Variants in PPFIBP1 observed in about 807,000 individuals in gnomAD.
PPFIBP1 encodes PPFIB scaffold protein 1, also known as liprin-beta-1.
In PPFIBP1, 112 loss-of-function variants were observed where a neutral mutation model predicts 137.8. The observed-to-expected ratio is 0.81, with a 90% CI of 0.70 to 0.95. PPFIBP1 has a LOEUF of 0.95. PPFIBP1 is among the 40% of genes least tolerant of loss of function. The pLI, the probability that PPFIBP1 is intolerant of heterozygous loss-of-function variation, is 0.00. For missense variants in PPFIBP1, 1,083 were observed against 1,196.6 expected (o/e 0.91, Z 1.40); for synonymous variants, 378 against 417.3 (o/e 0.91, Z 1.15).
At chr12:27,665,715 G>A (rs1364986530) in intron 12 of PPFIBP1, among the ~76,000 whole-genome samples, 1 of 152,112 alleles carries the variant, frequency 6.6e-6, no homozygotes, top group Non-Finnish European at 1.5e-5. Flanking sequence ...TCTTTTGGAA[G>A]GTCCCCATGA....
chr12:27,649,127 C>G (rs1183830244), intron 6 of PPFIBP1, among the ~76,000 whole-genome samples: 1 of 152,150 alleles, frequency 6.6e-6, no homozygotes, highest in Non-Finnish European at 1.5e-5. Flanking sequence ...TACTATGTAG[C>G]CACACAAGTA....
intron 13 of PPFIBP1, among the ~76,000 whole-genome samples, chr12:27,670,613 A>C (rs2060119424): frequency 6.6e-6 from 1 of 152,014 alleles, no homozygotes; most frequent in Non-Finnish European, 1.5e-5. Context: ...GTGTTTCTAC[A>C]AAAAAATTTT....
intron 2 of PPFIBP1, among the ~76,000 whole-genome samples, chr12:27,624,059 T>C (rs1414009064): frequency 2.6e-5 from 4 of 151,980 alleles, no homozygotes; most frequent in African/African-American, 4.8e-5. Flanking sequence ...TTGAAAAACA[T>C]GTGTCCCAGG....
intron 4 of PPFIBP1, among the ~76,000 whole-genome samples, chr12:27,638,663 A>G (rs1339587654): frequency 1.3e-5 from 2 of 152,168 alleles, no homozygotes; most frequent in African/African-American, 4.8e-5. Context: ...AATGTTTAAG[A>G]GCAACCCTTT....
chr12:27,608,659 A>G (rs1056440275), intron 2 of PPFIBP1: 2 of 443,958 alleles, frequency 4.5e-6, no homozygotes, highest in Non-Finnish European at 8.3e-6. Flanking sequence ...CATTTACAAA[A>G]TAGTAGATAA....
intron 1 of PPFIBP1, among the ~76,000 whole-genome samples, chr12:27,535,911 A>G (rs1944946098): frequency 6.6e-6 from 1 of 152,246 alleles, no homozygotes; most frequent in Non-Finnish European, 1.5e-5. Flanking sequence ...AGAAGCAACT[A>G]TGAGTTGCCT....
chr12:27,641,391 G>A (rs551778016), intron 4 of PPFIBP1, among the ~76,000 whole-genome samples: 58 of 152,204 alleles, frequency 3.8e-4, no homozygotes, highest in African/African-American at 1.3e-3. Flanking sequence ...CAAACCAATA[G>A]AACCCAGAAA....
intron 18 of PPFIBP1, 168 bp from the exon 19 acceptor site, chr12:27,676,896 A>G: frequency 1.2e-6 from 1 of 843,636 alleles, no homozygotes; most frequent in Non-Finnish European, 2.0e-6. Context: ...GGATAAATTA[A>G]CATTGACGTT....
chr12:27,543,942 G>A (rs564503737), intron 1 of PPFIBP1, among the ~76,000 whole-genome samples: 3 of 134,432 alleles, frequency 2.2e-5, no homozygotes, highest in South Asian at 2.3e-4. Context: ...GTGCAGTGTC[G>A]TGATCATAGC....
In PPFIBP1 at chr12:27,692,956, A is replaced by G. The variant is rs535716932; in HGVS notation, c.*74A>G. ...GCTTTTCCAAACACTCACAGTATATACAACAGGCAGCGGATTGTCTATTGT... is the reference window on the plus strand; with the variant it reads ...GCTTTTCCAAACACTCACAGTATATGCAACAGGCAGCGGATTGTCTATTGT... On this transcript the variant is annotated 3_prime_UTR_variant, in exon 30 of 30. Transcript: ENST00000228425. The G allele has an allele frequency of 1.2e-3, 1,862 of 1,572,526 alleles. 11 individuals are homozygous for G. The highest frequency in any genetic ancestry group is 3.3e-3 in the South Asian group (279 of 85,370).
intron 4 of PPFIBP1, chr12:27,636,326 T>G (rs2057674629): frequency 6.6e-6 from 1 of 152,186 alleles, no homozygotes; most frequent in Non-Finnish European, 1.5e-5. Context: ...TACAGATTTC[T>G]CCTCCAGAGA....
chr12:27,667,432 A>G (rs2059922744), intron 13 of PPFIBP1, 112 bp downstream of exon 13: 2 of 938,266 alleles, frequency 2.1e-6, no homozygotes, highest in Admixed American at 6.4e-5. Context: ...TTCCATCACC[A>G]ACTCAAGTGA....
intron 1 of PPFIBP1, among the ~76,000 whole-genome samples, chr12:27,556,474 G>A (rs1318367952): frequency 1.3e-5 from 2 of 152,136 alleles, no homozygotes; most frequent in Non-Finnish European, 2.9e-5. Flanking sequence ...CTTAGCTTGC[G>A]TTGTTAGTTA....
In PPFIBP1 at chr12:27,680,057, A is replaced by G; in HGVS notation, c.1891A>G (p.Asn631Asp). Residue 631 changes from asparagine to aspartate, a missense_variant, in exon 21 of 30, where the codon AAC becomes GAC. Physicochemically the swap from Asn to Asp is conservative, Grantham distance 23 (BLOSUM62 1). Coordinates refer to ENST00000228425, the MANE Select transcript of PPFIBP1 (RefSeq NM_003622.4). ...TTGGTCTCGAGACTTGGGACAGTCT[A>G]ACAGGTAAGAAGAGCCAACTGATAG... ...LGWSRDLGQS[N>D]SDLDMPFAKW... is the part of the protein sequence containing the mutation. The G allele has an allele frequency of 6.2e-7, 1 of 1,614,012 alleles. No individual in the cohort carries two copies. The highest frequency in any genetic ancestry group is 8.5e-7 in the Non-Finnish European group (1 of 1,179,918).
chr12:27,555,401 T>C (rs1269409227), intron 1 of PPFIBP1, among the ~76,000 whole-genome samples: 1 of 152,204 alleles, frequency 6.6e-6, no homozygotes, highest in Non-Finnish European at 1.5e-5. Context: ...TTTCTGCAGA[T>C]CCTGTCAGGA....
In PPFIBP1 at chr12:27,676,465, T is replaced by A; in HGVS notation, c.1448T>A (p.Leu483His). 3.2e-6 allele frequency: 5 copies of A among 1,573,916 alleles called. No individual in the cohort carries two copies. Among genetic ancestry groups the A allele is most frequent in the Non-Finnish European group, 4.3e-6 (5 of 1,160,030 alleles). ...APAESRPFGT[L>H]PPRPPGQDTS... ...GCAGAAAGCAGGCCATTTGGGACCC[T>A]TCCTCCCAGGCCCCCAGGGCAGGAC... Residue 483 changes from leucine to histidine, a missense_variant, in exon 18 of 30, where the codon CTT becomes CAT. By Grantham distance (99) the Leu-to-His change is moderately conservative. Transcript: ENST00000228425.
rs546194069 is a variant in PPFIBP1, at chr12:27,679,404, C to T, written c.1616-85C>T. On this transcript the variant is annotated intron_variant, in intron 19 of 29. Coordinates refer to ENST00000228425, the MANE Select transcript of PPFIBP1 (RefSeq NM_003622.4). ...CTGATTATAGACCAACAGAAGAATT[C>T]TTAACAGTTCTAGAACCAAGAAGAT... The T allele has an allele frequency of 9.8e-6, 13 of 1,333,284 alleles. No homozygotes were observed. In the African/African-American group the frequency reaches 1.2e-4, roughly 12 times the overall value. The allele number at this position is 1,333,284 out of a possible 1,614,324, so 82.6% of individuals were successfully genotyped here.
At chr12:27,569,802 ACCTG>A (rs1335380296) in intron 1 of PPFIBP1, among the ~76,000 whole-genome samples, 1 of 151,996 alleles carries the variant, frequency 6.6e-6, no homozygotes, top group African/African-American at 2.4e-5. Context: ...CTCATGATCC[ACCTG>A]CCTCGGCCTC....
chr12:27,666,612 G>A (rs1339261663), intron 12 of PPFIBP1, among the ~76,000 whole-genome samples: 1 of 152,084 alleles, frequency 6.6e-6, no homozygotes, highest in Non-Finnish European at 1.5e-5. Flanking sequence ...ATATGTGGTT[G>A]GTTTTTTCCA....
Sources: gnomAD v4.1 joint callset for allele counts (sites outside exome capture counted in the v4.1 genomes callset) on GRCh38, gnomAD v4.1.1 for gene constraint, MANE v1.5 for transcripts, NCBI Gene and HGNC (gene_info 2026-07-23, HGNC 2026-07-21) for gene names.